The following FMNL2 variants were observed in gnomAD, a reference collection of about 807,000 sequenced individuals.
FMNL2 encodes formin like 2.
In FMNL2, 51 loss-of-function variants were observed where a neutral mutation model predicts 130.2. The observed-to-expected ratio is 0.39, with a 90% confidence interval of 0.31 to 0.49. FMNL2 has a LOEUF of 0.49. Ranked by LOEUF, FMNL2 falls within the 20% of genes least tolerant of loss-of-function variation. FMNL2 has a pLI of 0.85. For synonymous variants in FMNL2, 465 were observed against 467.1 expected (o/e 1.00, Z 0.06); for missense variants, 977 against 1,316.2 (o/e 0.74, Z 3.99).
intron 25 of FMNL2, among the ~76,000 whole-genome samples, chr2:152,647,501 T>C (rs572129979): frequency 2.2e-4 from 33 of 152,044 alleles, no homozygotes; most frequent in African/African-American, 7.9e-4. Context: ...GCTTCTAATT[T>C]AAGAAACATT....
intron 1 of FMNL2, among the ~76,000 whole-genome samples, chr2:152,408,426 A>G (rs1376477744): frequency 6.6e-6 from 1 of 152,130 alleles, no homozygotes; most frequent in South Asian, 2.1e-4. Context: ...AAATTACAGT[A>G]TCTGGGGCTT....
At chr2:152,351,954 G>C (rs918900021) in intron 1 of FMNL2, among the ~76,000 whole-genome samples, 5 of 152,222 alleles carry the variant, frequency 3.3e-5, no homozygotes, top group Non-Finnish European at 5.9e-5. Flanking sequence ...GACTAGTGAT[G>C]ATGAGCTCCT....
intron 2 of FMNL2, among the ~76,000 whole-genome samples, chr2:152,531,909 TA>T (rs1181783345): frequency 1.3e-5 from 2 of 152,126 alleles, no homozygotes; most frequent in African/African-American, 4.8e-5. Context: ...GGATGTGGTT[TA>T]GGGGTGAGGG....
At chr2:152,348,609 G>A (rs1171403195) in intron 1 of FMNL2, among the ~76,000 whole-genome samples, 1 of 152,144 alleles carries the variant, frequency 6.6e-6, no homozygotes, top group Non-Finnish European at 1.5e-5. Context: ...GACTGTGGTA[G>A]GTGTCCAAGA....
chr2:152,411,071 T>C (rs2105999456), intron 1 of FMNL2, among the ~76,000 whole-genome samples: 1 of 152,320 alleles, frequency 6.6e-6, no homozygotes, highest in Non-Finnish European at 1.5e-5. Context: ...TTTCCCTCCT[T>C]CTTTGCCCCC....
intron 1 of FMNL2, among the ~76,000 whole-genome samples, chr2:152,347,580 A>G (rs1439096036): frequency 6.6e-6 from 1 of 152,220 alleles, no homozygotes; most frequent in Non-Finnish European, 1.5e-5. Flanking sequence ...AATTTTGGGC[A>G]TTAATACTTG....
chr2:152,522,054 G>A, intron 2 of FMNL2, 28 bp downstream of exon 2: 1 of 1,562,850 alleles, frequency 6.4e-7, no homozygotes, highest in Non-Finnish European at 8.7e-7. Flanking sequence ...TTTCTTTTAT[G>A]AAAAAAGTAA....
intron 4 of FMNL2, 25 bp from the exon 5 acceptor site, chr2:152,558,715 A>C (rs778197212): frequency 2.5e-5 from 35 of 1,398,356 alleles, no homozygotes; most frequent in Non-Finnish European, 3.3e-5. Flanking sequence ...TTCTCCAATG[A>C]TTTTTTTTTT....
At chr2:152,502,497 G>A (rs1027030858) in intron 1 of FMNL2, among the ~76,000 whole-genome samples, 29 of 152,198 alleles carry the variant, frequency 1.9e-4, no homozygotes, top group African/African-American at 7.0e-4. Flanking sequence ...GACCAGCCTG[G>A]CCAAAATGGT....
chr2:152,475,624 C>T (rs1181095441), intron 1 of FMNL2, among the ~76,000 whole-genome samples: 6 of 151,752 alleles, frequency 4.0e-5, no homozygotes, highest in South Asian at 2.1e-4. Context: ...CTTCCCGAGT[C>T]GCTGGGATTG....
chr2:152,646,196 G>A (rs1683546205), intron 25 of FMNL2, among the ~76,000 whole-genome samples: 1 of 151,750 alleles, frequency 6.6e-6, no homozygotes, highest in African/African-American at 2.4e-5. Context: ...AGCCAGGCAT[G>A]GTGGCAAATG....
chr2:152,614,756 A>ACAAAG lies in FMNL2; in HGVS notation c.1063-91_1063-90insGCAAA. On this transcript the variant is annotated intron_variant, in intron 11 of 25. Coordinates refer to ENST00000288670, the MANE Select transcript of FMNL2 (RefSeq NM_052905.4). ...AAACTCCATCTCAAAACAAAACAAAACAAAACAAAAAACAAAAAAGACAGA... is the reference window on the plus strand; with the variant it reads ...AAACTCCATCTCAAAACAAAACAAAACAAAGCAAAACAAAAAACAAAAAAGACAGA... The ACAAAG allele has an allele frequency of 2.2e-6, 3 of 1,389,662 alleles. No homozygotes were observed. In the South Asian group the frequency reaches 4.5e-5, roughly 21 times the overall value. The allele number at this position is 1,389,662 out of a possible 1,614,324, so 86.1% of individuals were successfully genotyped here. A position where few individuals can be genotyped will look rare whatever the true frequency, so the allele number is the denominator to read the frequency against.
chr2:152,606,616 A>G (rs975182390), intron 9 of FMNL2, among the ~76,000 whole-genome samples: 1 of 140,232 alleles, frequency 7.1e-6, no homozygotes, highest in Non-Finnish European at 1.5e-5. Context: ...TTTGATAGAA[A>G]TCTTTTTTGA....
intron 7 of FMNL2, among the ~76,000 whole-genome samples, chr2:152,577,652 A>C (rs1558978070): frequency 6.6e-6 from 1 of 152,186 alleles, no homozygotes; most frequent in Non-Finnish European, 1.5e-5. Flanking sequence ...AGTGAAGGAC[A>C]TATTTCAAGG....
chr2:152,399,059 C>T (rs1196044917), intron 1 of FMNL2, among the ~76,000 whole-genome samples: 1 of 152,208 alleles, frequency 6.6e-6, no homozygotes, highest in Non-Finnish European at 1.5e-5. Context: ...GAGCAGCAGA[C>T]AGCTTCACTG....
intron 7 of FMNL2, among the ~76,000 whole-genome samples, chr2:152,577,993 G>A (rs1696568582): frequency 6.6e-6 from 1 of 152,076 alleles, no homozygotes; most frequent in Non-Finnish European, 1.5e-5. Context: ...TCTATGGAGA[G>A]GGAAAAATAA....
chr2:152,475,489 T>TTTTTGTTTTG, intron 1 of FMNL2, among the ~76,000 whole-genome samples: 1 of 151,930 alleles, frequency 6.6e-6, no homozygotes, highest in African/African-American at 2.4e-5. Flanking sequence ...TTCATTTTGT[T>TTTTTGTTTTG]TTTTGTTTTG....
In FMNL2 at chr2:152,495,170, A is replaced by T. The variant is rs1165458869; in HGVS notation, c.118-26773A>T. Among the ~76,000 whole-genome samples the T allele has an allele frequency of 4.6e-5, 7 of 152,278 alleles. No individual in the cohort carries two copies. In the East Asian group the frequency reaches 1.3e-3, roughly 29 times the overall value. On this transcript the variant is annotated intron_variant, in intron 1 of 25. Transcript: ENST00000288670. ...AATGGCAGTTCAATGGTCTTTTAGG[A>T]AAAAAATTTACTGGAAATATACTAA...
chr2:152,338,852 C>CAT (rs1424425971), intron 1 of FMNL2, among the ~76,000 whole-genome samples: 15 of 139,982 alleles, frequency 1.1e-4, no homozygotes, highest in East Asian at 4.0e-4. Flanking sequence ...CACACACACA[C>CAT]ATATATGCAT....
Sources: allele counts gnomAD v4.1 joint callset (sites outside exome capture counted in the v4.1 genomes callset), GRCh38; gene constraint gnomAD v4.1.1; transcripts MANE v1.5; gene names NCBI Gene and HGNC (gene_info 2026-07-23, HGNC 2026-07-21).